ULK4: variants seen among roughly 807,000 people sequenced by gnomAD.
ULK4 encodes unc-51 like kinase 4, also known as inactive serine/threonine-protein kinase ULK4.
ULK4 carries 133 observed loss-of-function variants against 160.6 expected under a neutral mutation model. The ratio of observed to expected loss-of-function variants is 0.83; its 90% CI spans 0.72 to 0.96. ULK4 has a LOEUF of 0.96. ULK4 is among the 40% of genes least tolerant of loss of function. The pLI, the probability that ULK4 is intolerant of heterozygous loss-of-function variation, is 0.00. For missense variants in ULK4, 1,580 were observed against 1,499.5 expected (o/e 1.05, Z -0.89); for synonymous variants, 534 against 539.8 (o/e 0.99, Z 0.15).
intron 22 of ULK4, among the ~76,000 whole-genome samples, chr3:41,747,282 A>C (rs2125888235): frequency 6.6e-6 from 1 of 152,078 alleles, no homozygotes; most frequent in Non-Finnish European, 1.5e-5. Flanking sequence ...AAATATATAA[A>C]GAACTCTCGA....
At chr3:41,606,158 C>T (rs564276696) in intron 31 of ULK4, among the ~76,000 whole-genome samples, 1 of 151,734 alleles carries the variant, frequency 6.6e-6, no homozygotes, top group Non-Finnish European at 1.5e-5. Flanking sequence ...AAGTCTCAAG[C>T]CAATCAACTA....
At chr3:41,644,228 T>C (rs564324813) in intron 30 of ULK4, among the ~76,000 whole-genome samples, 187 of 152,144 alleles carry the variant, frequency 1.2e-3, no homozygotes, top group African/African-American at 4.3e-3. Flanking sequence ...TCCAACACTA[T>C]GTTGAATAGG....
chr3:41,885,122 G>C (rs111338831), intron 16 of ULK4, among the ~76,000 whole-genome samples: 2,045 of 152,120 alleles, frequency 0.013, 40 homozygotes, highest in African/African-American at 0.046. Flanking sequence ...CCAAAGTTCT[G>C]GGATTACAGG....
rs17056346 is a variant in ULK4 at position 41,361,907 on chromosome 3, T to C, written c.3678+36172A>G. Among the ~76,000 whole-genome samples the C allele has an allele frequency of 2.9e-3, 446 of 152,280 alleles. 10 individuals are homozygous for C. The highest frequency in any genetic ancestry group is 0.01 in the African/African-American group (432 of 41,536). On this transcript the variant is annotated intron_variant, in intron 35 of 36. Coordinates refer to ENST00000301831, the MANE Select transcript of ULK4 (RefSeq NM_017886.4). ...TCAGCAGGCTTGTAAAACAAGATAA[T>C]TGAGGCTTTACTTGATGTTCTGCTG...
At chr3:41,849,374 G>A (rs2042150359) in intron 17 of ULK4, among the ~76,000 whole-genome samples, 1 of 152,118 alleles carries the variant, frequency 6.6e-6, no homozygotes, top group African/African-American at 2.4e-5. Flanking sequence ...CACCAGGGTT[G>A]CAAAACACCA....
chr3:41,799,929 A>C (rs2040406103), intron 20 of ULK4, among the ~76,000 whole-genome samples: 1 of 152,174 alleles, frequency 6.6e-6, no homozygotes, highest in African/African-American at 2.4e-5. Context: ...GGTTTTATTG[A>C]AATTCTCTCA....
At position 41,579,411 on chromosome 3, in the gene ULK4, C is replaced by T. The variant is rs112320064; in HGVS notation, c.3121-13281G>A. Among the ~76,000 whole-genome samples the T allele has an allele frequency of 9.9e-3, 1,497 of 151,806 alleles. 6 individuals carry two copies. Among genetic ancestry groups the T allele is most frequent in the Non-Finnish European group, 0.015 (1,015 of 67,974 alleles). ...CAATGAGGCTAAGCTCAGAATACAA[C>T]GCCAGTTCCACAGATGCTAGCTCCA... On this transcript the variant is annotated intron_variant, in intron 31 of 36. Coordinates refer to ENST00000301831, the MANE Select transcript of ULK4 (RefSeq NM_017886.4).
At chr3:41,639,035 G>C (rs1295796872) in intron 30 of ULK4, among the ~76,000 whole-genome samples, 1 of 152,130 alleles carries the variant, frequency 6.6e-6, no homozygotes, top group Non-Finnish European at 1.5e-5. Context: ...TGCCAAAACA[G>C]GTCATATATG....
chr3:41,819,541 C>A, intron 18 of ULK4, 35 bp from the exon 19 acceptor site: 1 of 1,594,918 alleles, frequency 6.3e-7, no homozygotes, highest in East Asian at 2.2e-5. Flanking sequence ...GGCAGTGAAG[C>A]TAACAGCACG....
chr3:41,747,786 C>T (rs2038467741), intron 22 of ULK4, among the ~76,000 whole-genome samples: 2 of 152,042 alleles, frequency 1.3e-5, no homozygotes, highest in African/African-American at 4.8e-5. Flanking sequence ...GAAGGCAGCC[C>T]TCTATGTAAG....
chr3:41,263,352 C>T (rs191313029), intron 35 of ULK4, among the ~76,000 whole-genome samples: 3 of 152,174 alleles, frequency 2.0e-5, no homozygotes, highest in South Asian at 2.1e-4. Flanking sequence ...AGGTGGGAAA[C>T]GGGAGGGAGA....
intron 34 of ULK4, among the ~76,000 whole-genome samples, chr3:41,428,745 C>T (rs1430487882): frequency 2.0e-5 from 3 of 152,136 alleles, no homozygotes; most frequent in Non-Finnish European, 4.4e-5. Context: ...TGGACCCCTT[C>T]CTTACAATAT....
chr3:41,647,844 T>A (rs1292448409), intron 30 of ULK4, among the ~76,000 whole-genome samples: 1 of 152,238 alleles, frequency 6.6e-6, no homozygotes, highest in African/African-American at 2.4e-5. Flanking sequence ...TGTGGTGGGC[T>A]CCACCCAGTT....
intron 35 of ULK4, among the ~76,000 whole-genome samples, chr3:41,363,400 C>T (rs796764221): frequency 3.3e-5 from 5 of 152,268 alleles, no homozygotes; most frequent in African/African-American, 4.8e-5. Flanking sequence ...CCTGGTTTGG[C>T]GAATCAGGAA....
chr3:41,279,145 G>A (rs1393072191), intron 35 of ULK4, among the ~76,000 whole-genome samples: 5 of 151,298 alleles, frequency 3.3e-5, no homozygotes, highest in Non-Finnish European at 7.4e-5. Context: ...ACTTCGTGAC[G>A]CATGCACGAG....
At chr3:41,291,080 G>A (rs954558642) in intron 35 of ULK4, among the ~76,000 whole-genome samples, 1 of 151,914 alleles carries the variant, frequency 6.6e-6, no homozygotes, top group Admixed American at 6.6e-5. Context: ...TTTGGTTCGC[G>A]GTGATCCTTG....
At chr3:41,511,948 A>G (rs1240909262) in intron 32 of ULK4, among the ~76,000 whole-genome samples, 2 of 152,234 alleles carry the variant, frequency 1.3e-5, no homozygotes, top group Non-Finnish European at 2.9e-5. Context: ...AGTGGGTTTC[A>G]TACCAGGGAC....
intron 35 of ULK4, among the ~76,000 whole-genome samples, chr3:41,369,122 T>C (rs954709947): frequency 9.2e-5 from 14 of 152,206 alleles, no homozygotes; most frequent in African/African-American, 3.4e-4. Flanking sequence ...CTTTTCAAAA[T>C]GATGAGAGTA....
intron 25 of ULK4, among the ~76,000 whole-genome samples, chr3:41,706,253 T>C (rs9836748): frequency 0.2 from 30,009 of 151,090 alleles, 8,048 homozygotes; most frequent in African/African-American, 0.61. Context: ...AGGTACTCCA[T>C]GACAATGAAA....
Sources: allele counts gnomAD v4.1 joint callset (sites outside exome capture counted in the v4.1 genomes callset), GRCh38; gene constraint gnomAD v4.1.1; transcripts MANE v1.5; gene names NCBI Gene and HGNC (gene_info 2026-07-23, HGNC 2026-07-21).